SH3GL3: variants seen among roughly 807,000 people sequenced by gnomAD.
The protein encoded by SH3GL3 is endophilin-A3.
In SH3GL3, 33 loss-of-function variants were observed where a neutral mutation model predicts 47.7. The observed-to-expected ratio is 0.69, with a 90% confidence interval of 0.52 to 0.92. The LOEUF (loss-of-function observed/expected upper bound fraction) is 0.92, where lower values mean the gene tolerates loss of function less well. Ranked by LOEUF, SH3GL3 falls within the 40% of genes least tolerant of loss-of-function variation. SH3GL3 has a pLI of 0.00. For missense variants in SH3GL3, 363 were observed against 417.8 expected, an observed-to-expected ratio of 0.87 and a Z score of 1.14; for synonymous variants, 155 against 148.8, an observed-to-expected ratio of 1.04 and a Z score of -0.30.
rs1282491041 is a variant in SH3GL3, at chr15:83,489,885, AGAT to A, written c.45+42308_45+42310del. Among the ~76,000 whole-genome samples, 342 of 149,210 alleles carry A rather than the reference AGAT, an allele frequency of 2.3e-3. 2 individuals are homozygous for A. The highest frequency in any genetic ancestry group is 8.3e-3 in the African/African-American group (324 of 39,234). ...TAGATAGATAGATAGATAGATAGAT[AGAT>A]AATAGATAGATAGATAATAGATAGA... On this transcript the variant is annotated intron_variant, in intron 1 of 8. Transcript: ENST00000427482.
chr15:83,466,192 G>T lies in SH3GL3; in HGVS notation c.45+18614G>T, dbSNP rs566462217. Among the ~76,000 whole-genome samples, 14 of 152,252 alleles carry T rather than the reference G, an allele frequency of 9.2e-5. No homozygotes were observed. In the South Asian group the frequency reaches 2.9e-3, roughly 32 times the overall value. ...GCGTAATACTATATTCACCCAGGTT[G>T]TTGTGTATATCAATAGTTTGTTCCT... is the stretch of plus-strand genomic sequence containing the variant. On this transcript the variant is annotated intron_variant, in intron 1 of 8. Transcript: ENST00000427482.
At chr15:83,519,707 T>C (rs1016950030) in intron 1 of SH3GL3, among the ~76,000 whole-genome samples, 1 of 152,174 alleles carries the variant, frequency 6.6e-6, no homozygotes, top group Non-Finnish European at 1.5e-5. Context: ...ACTCTCTTAC[T>C]GGTATCTGTT....
At chr15:83,624,998 T>C in the SH3GL3 span, among the ~76,000 whole-genome samples, 3 of 152,274 alleles carry the variant, frequency 2.0e-5, no homozygotes, top group South Asian at 4.1e-4. Context: ...CGGTGGCTTA[T>C]GCCTGTAATC....
chr15:83,613,633 AT>A (rs2060731382), intron 8 of SH3GL3, among the ~76,000 whole-genome samples: 2 of 139,072 alleles, frequency 1.4e-5, no homozygotes, highest in East Asian at 4.1e-4. Context: ...CTATCTATCT[AT>A]CTATCTATCT....
At chr15:83,515,101 T>A (rs2042926299) in intron 1 of SH3GL3, among the ~76,000 whole-genome samples, 1 of 152,166 alleles carries the variant, frequency 6.6e-6, no homozygotes, top group Non-Finnish European at 1.5e-5. Context: ...GATTTTAGAC[T>A]TCTGACCTCT....
intron 1 of SH3GL3, among the ~76,000 whole-genome samples, chr15:83,529,605 C>T (rs2043576976): frequency 6.6e-6 from 1 of 151,524 alleles, no homozygotes; most frequent in Non-Finnish European, 1.5e-5. Context: ...CCTTAACCTT[C>T]TGATGGTATG....
chr15:83,505,229 G>A (rs1199430123), intron 1 of SH3GL3, among the ~76,000 whole-genome samples: 2 of 152,128 alleles, frequency 1.3e-5, no homozygotes, highest in Non-Finnish European at 2.9e-5. Flanking sequence ...GCTTCTCTAA[G>A]TTGACCTTGT....
chr15:83,469,870 C>A (rs1054655384), intron 1 of SH3GL3, among the ~76,000 whole-genome samples: 2 of 152,148 alleles, frequency 1.3e-5, no homozygotes, highest in African/African-American at 4.8e-5. Flanking sequence ...TCTTCTATAT[C>A]CTTACTGATT....
intron 1 of SH3GL3, among the ~76,000 whole-genome samples, chr15:83,540,026 A>C (rs1044442515): frequency 4.6e-5 from 7 of 152,170 alleles, no homozygotes; most frequent in Admixed American, 4.6e-4. Flanking sequence ...GGTTATATCT[A>C]TATATTTGCA....
intron 1 of SH3GL3, among the ~76,000 whole-genome samples, chr15:83,456,993 G>C (rs2040022015): frequency 6.6e-6 from 1 of 152,098 alleles, no homozygotes; most frequent in African/African-American, 2.4e-5. Context: ...GTTAAACGTG[G>C]TACCTCACCA....
intron 1 of SH3GL3, among the ~76,000 whole-genome samples, chr15:83,507,068 C>T (rs974471064): frequency 6.0e-5 from 9 of 150,980 alleles, no homozygotes; most frequent in East Asian, 2.0e-4. Context: ...TGCAGTGGCA[C>T]GATCTCCGCT....
At chr15:83,515,580 G>C (rs1301172980) in intron 1 of SH3GL3, among the ~76,000 whole-genome samples, 1 of 152,138 alleles carries the variant, frequency 6.6e-6, no homozygotes, top group Non-Finnish European at 1.5e-5. Flanking sequence ...TCTCAAACCT[G>C]TGTGAATTAA....
In SH3GL3 at chr15:83,514,519, G is replaced by A. The variant is rs1198185841; in HGVS notation, c.46-44734G>A. Among the ~76,000 whole-genome samples, 4 of 152,300 alleles carry A rather than the reference G, an allele frequency of 2.6e-5. No homozygotes were observed. In the South Asian group the frequency reaches 6.2e-4, roughly 24 times the overall value. ...GAAGTCTATTGGAGCATTCTTTGTAGCATTGGGGAATTCTTTGTCATATGC... is the reference window on the plus strand; with the variant it reads ...GAAGTCTATTGGAGCATTCTTTGTAACATTGGGGAATTCTTTGTCATATGC... On this transcript the variant is annotated intron_variant, in intron 1 of 8. Coordinates refer to ENST00000427482, the MANE Select transcript of SH3GL3 (RefSeq NM_003027.5).
chr15:83,471,913 C>T (rs140567116), intron 1 of SH3GL3, among the ~76,000 whole-genome samples: 48 of 151,828 alleles, frequency 3.2e-4, no homozygotes, highest in East Asian at 2.9e-3. Flanking sequence ...GACAGAGTCT[C>T]GCTCTTGTCA....
chr15:83,568,012 C>T lies in SH3GL3; in HGVS notation c.188-517C>T, dbSNP rs1253857368. On this transcript the variant is annotated intron_variant, in intron 3 of 8. Coordinates refer to ENST00000427482, the MANE Select transcript of SH3GL3 (RefSeq NM_003027.5). ...TTTTTTTTTTTTTGAGACAAAGTCTCGCTCTTGTCCCCCAGGCTAGAGTGC... is the reference window on the plus strand; with the variant it reads ...TTTTTTTTTTTTTGAGACAAAGTCTTGCTCTTGTCCCCCAGGCTAGAGTGC... Among the ~76,000 whole-genome samples, 7 of 145,672 alleles carry T rather than the reference C, an allele frequency of 4.8e-5. 1 individual carries two copies. Among genetic ancestry groups the T allele is most frequent in the African/African-American group, 1.8e-4 (7 of 39,062 alleles).
At chr15:83,609,253 G>T in intron 8 of SH3GL3, 1 of 456,026 alleles carries the variant, frequency 2.2e-6, no homozygotes, top group Non-Finnish European at 4.4e-6. Context: ...TACATAATCG[G>T]TTATCTGATT....
intron 5 of SH3GL3, among the ~76,000 whole-genome samples, chr15:83,575,893 A>G (rs954776555): frequency 6.6e-6 from 1 of 152,094 alleles, no homozygotes; most frequent in Non-Finnish European, 1.5e-5. Context: ...TGTTTCTGAC[A>G]CGGGGTCTCT....
At chr15:83,596,782 A>T (rs561478989) in intron 8 of SH3GL3, among the ~76,000 whole-genome samples, 114 of 151,570 alleles carry the variant, frequency 7.5e-4, no homozygotes, top group African/African-American at 2.6e-3. Context: ...TTATTTATTT[A>T]TTTTTTTTAC....
At chr15:83,575,329 G>A (rs1189489761) in intron 5 of SH3GL3, among the ~76,000 whole-genome samples, 1 of 152,220 alleles carries the variant, frequency 6.6e-6, no homozygotes, top group Non-Finnish European at 1.5e-5. Flanking sequence ...AGACACATAT[G>A]TGGTCCTGAG....
Sources: gnomAD v4.1 joint callset for allele counts (sites outside exome capture counted in the v4.1 genomes callset) on GRCh38, gnomAD v4.1.1 for gene constraint, MANE v1.5 for transcripts, NCBI Gene and HGNC (gene_info 2026-07-23, HGNC 2026-07-21) for gene names.